UNC13C: variants seen among roughly 807,000 people sequenced by gnomAD.
UNC13C encodes protein unc-13 homolog C.
A neutral mutation model predicts 245.4 loss-of-function variants in UNC13C; 174 were observed. The ratio of observed to expected loss-of-function variants is 0.71; its 90% CI spans 0.63 to 0.80. UNC13C has a LOEUF of 0.80. Among genes scored for constraint, UNC13C ranks in the 30% least tolerant of loss-of-function variants. UNC13C has a pLI of 0.00. For synonymous variants in UNC13C, 992 were observed against 895.1 expected (o/e 1.11, Z -1.93); for missense variants, 2,829 against 2,602.9 (o/e 1.09, Z -1.89).
At chr15:54,505,744 C>CT (rs3083161) in intron 22 of UNC13C, among the ~76,000 whole-genome samples, 14,832 of 129,744 alleles carry the variant, frequency 0.11, 1,112 homozygotes, top group Admixed American at 0.2. Flanking sequence ...AAGCTATATT[C>CT]TTTTTTTTTT....
intron 8 of UNC13C, among the ~76,000 whole-genome samples, chr15:54,261,817 A>G (rs961958334): frequency 7.2e-5 from 11 of 152,186 alleles, no homozygotes; most frequent in African/African-American, 2.7e-4. Flanking sequence ...TGCTGGGATT[A>G]CAGGCTTGAG....
intron 18 of UNC13C, among the ~76,000 whole-genome samples, chr15:54,395,323 A>T (rs942205257): frequency 9.9e-5 from 15 of 151,952 alleles, no homozygotes; most frequent in African/African-American, 3.4e-4. Context: ...CGTCACATTT[A>T]TGCTTAATTA....
intron 4 of UNC13C, among the ~76,000 whole-genome samples, chr15:54,218,075 G>C (rs940739309): frequency 6.6e-6 from 1 of 151,924 alleles, no homozygotes; most frequent in Admixed American, 6.6e-5. Flanking sequence ...TTGTATTATA[G>C]TGGAGACATT....
chr15:53,881,788 A>T, the UNC13C span, among the ~76,000 whole-genome samples: 2 of 152,356 alleles, frequency 1.3e-5, no homozygotes, highest in East Asian at 3.9e-4. Context: ...CGTTCCAAGA[A>T]GTGGGATATT....
the UNC13C span, among the ~76,000 whole-genome samples, chr15:53,900,242 C>A: frequency 6.6e-6 from 1 of 152,008 alleles, no homozygotes; most frequent in Non-Finnish European, 1.5e-5. Context: ...ATGTTATTAA[C>A]AATAATGTGT....
At chr15:54,337,195 G>T (rs890385765) in intron 16 of UNC13C, among the ~76,000 whole-genome samples, 32 of 152,070 alleles carry the variant, frequency 2.1e-4, no homozygotes, top group Admixed American at 2.1e-3. Context: ...CTTCTCATTT[G>T]TCTGTTGTCA....
At chr15:53,866,014 G>A in the UNC13C span, among the ~76,000 whole-genome samples, 1 of 152,096 alleles carries the variant, frequency 6.6e-6, no homozygotes, top group Non-Finnish European at 1.5e-5. Flanking sequence ...AAGGAAGACA[G>A]TAGAATTACC....
At chr15:53,973,893 A>AT (rs1434929666), upstream of UNC13C, among the ~76,000 whole-genome samples, 5 of 152,150 alleles carry the variant, frequency 3.3e-5, no homozygotes, top group Admixed American at 1.3e-4. Context: ...TTAATTATTA[A>AT]TTTTTTTCAA....
At chr15:54,336,503 A>G (rs1266850309) in intron 16 of UNC13C, among the ~76,000 whole-genome samples, 4 of 151,110 alleles carry the variant, frequency 2.6e-5, no homozygotes, top group African/African-American at 9.7e-5. Context: ...TTTTTTTTCT[A>G]ATTATGGATA....
intron 17 of UNC13C, among the ~76,000 whole-genome samples, chr15:54,383,124 A>C (rs2039763284): frequency 6.6e-6 from 1 of 152,202 alleles, no homozygotes; most frequent in Non-Finnish European, 1.5e-5. Context: ...CATATAAAGA[A>C]GAATGAATAC....
chr15:54,331,626 T>C (rs75296568), intron 14 of UNC13C, among the ~76,000 whole-genome samples: 1 of 152,220 alleles, frequency 6.6e-6, no homozygotes, highest in East Asian at 1.9e-4. Context: ...AACTGTAATA[T>C]ATTGTCTGGA....
intron 30 of UNC13C, among the ~76,000 whole-genome samples, chr15:54,602,357 C>A (rs777363678): frequency 2.0e-5 from 3 of 152,100 alleles, no homozygotes; most frequent in African/African-American, 4.8e-5. Flanking sequence ...AGAGTGAGAA[C>A]AAGAATAGGA....
At chr15:54,571,194 T>G (rs1363918275) in intron 30 of UNC13C, among the ~76,000 whole-genome samples, 1 of 152,142 alleles carries the variant, frequency 6.6e-6, no homozygotes, top group Non-Finnish European at 1.5e-5. Context: ...AGTGGGTAAT[T>G]TATAAAGGAA....
chr15:54,093,229 G>A (rs1899665438), intron 2 of UNC13C, among the ~76,000 whole-genome samples: 2 of 147,708 alleles, frequency 1.4e-5, no homozygotes, highest in South Asian at 4.2e-4. Context: ...TGTCTATTTT[G>A]TTCCCCAATA....
At chr15:54,286,930 T>G (rs180796149) in intron 10 of UNC13C, among the ~76,000 whole-genome samples, 2 of 152,160 alleles carry the variant, frequency 1.3e-5, no homozygotes, top group Non-Finnish European at 2.9e-5. Flanking sequence ...TGAAAACATT[T>G]AAAATTAGAA....
At chr15:54,078,133 G>C (rs1459337550) in intron 2 of UNC13C, among the ~76,000 whole-genome samples, 1 of 152,172 alleles carries the variant, frequency 6.6e-6, no homozygotes, top group East Asian at 1.9e-4. Context: ...CCATGTTGCT[G>C]TAAAATACAT....
chr15:54,082,802 C>A (rs1595826417), intron 2 of UNC13C, among the ~76,000 whole-genome samples: 1 of 151,942 alleles, frequency 6.6e-6, no homozygotes, highest in East Asian at 1.9e-4. Context: ...GTATAATCAT[C>A]CGGTTTTGTT....
chr15:54,507,710 G>T (rs1445448305), intron 23 of UNC13C, among the ~76,000 whole-genome samples: 1 of 151,754 alleles, frequency 6.6e-6, no homozygotes, highest in Non-Finnish European at 1.5e-5. Context: ...TTAATCAAAG[G>T]CATAAAGAAA....
chr15:54,616,635 T>C (rs1463013321), intron 30 of UNC13C, among the ~76,000 whole-genome samples: 2 of 152,026 alleles, frequency 1.3e-5, no homozygotes, highest in Non-Finnish European at 2.9e-5. Flanking sequence ...TAAAGAAAGA[T>C]GATGTTTTTA....
Sources: gnomAD v4.1 joint callset for allele counts (sites outside exome capture counted in the v4.1 genomes callset) on GRCh38, gnomAD v4.1.1 for gene constraint, MANE v1.5 for transcripts, NCBI Gene and HGNC (gene_info 2026-07-23, HGNC 2026-07-21) for gene names.